Variants in SLC9C1 observed in about 807,000 individuals in gnomAD.
SLC9C1 encodes the protein solute carrier family 9 member C1.
Under a neutral mutation model 140.9 loss-of-function variants are expected in SLC9C1, and 97 were observed. The observed-to-expected ratio is 0.69, with a 90% confidence interval of 0.58 to 0.82. SLC9C1 has a LOEUF of 0.82. Ranked by LOEUF, SLC9C1 falls within the 40% of genes least tolerant of loss-of-function variation. SLC9C1 has a pLI of 0.00. For synonymous variants in SLC9C1, 440 were observed against 442.6 expected (o/e 0.99, Z 0.07); for missense variants, 1,340 against 1,389.3 (o/e 0.96, Z 0.56).
intron 12 of SLC9C1, among the ~76,000 whole-genome samples, chr3:112,239,205 C>T (rs1033129821): frequency 7.2e-5 from 11 of 152,332 alleles, no homozygotes; most frequent in Admixed American, 3.9e-4. Context: ...TGATCTCAGA[C>T]TGCTATGCTA....
rs192735648 is a variant in SLC9C1 at position 112,286,817 on chromosome 3, T to C, written c.-26A>G. ...GTTTCAGAAAAATTTTTATGCAGATTTATGTTAGAAGCAATCTCCATATGA... is the reference window on the plus strand; with the variant it reads ...GTTTCAGAAAAATTTTTATGCAGATCTATGTTAGAAGCAATCTCCATATGA... On this transcript the variant is annotated 5_prime_UTR_variant, in exon 2 of 29. The change abolishes the stop of an existing upstream ORF in the 5' untranslated region. Coordinates refer to ENST00000305815, the MANE Select transcript of SLC9C1 (RefSeq NM_183061.3). The C allele has an allele frequency of 1.0e-5, 16 of 1,547,968 alleles. No homozygotes were observed. In the East Asian group the frequency reaches 2.3e-4, roughly 22 times the overall value.
At chr3:112,236,031 T>G (rs1453083271) in intron 12 of SLC9C1, among the ~76,000 whole-genome samples, 2 of 152,154 alleles carry the variant, frequency 1.3e-5, no homozygotes, top group South Asian at 4.1e-4. Flanking sequence ...TTGGAATAGT[T>G]TCAGAAGGAA....
chr3:112,182,180 G>A lies in SLC9C1; in HGVS notation c.2602C>T (p.His868Tyr), dbSNP rs769513912. 5.6e-6 allele frequency: 9 copies of A among 1,600,174 alleles called. No homozygotes were observed. The highest frequency in any genetic ancestry group is 2.3e-5 in the South Asian group (2 of 87,254). ...RPLTVEEVLY[H>Y]IPWLDKNKDY... is the part of the protein sequence containing the mutation. Reference sequence around the variant, plus strand: ...TTGTTTTTATCTAGCCACGGAATATGATATAGAACTTCTTCAACAGTAAGA... The same window carrying A: ...TTGTTTTTATCTAGCCACGGAATATAATATAGAACTTCTTCAACAGTAAGA... Residue 868 changes from histidine (H) to tyrosine (Y), a missense_variant, in exon 21 of 29, where the codon CAT becomes TAT. Physicochemically the swap from His to Tyr is moderately conservative, Grantham distance 83. Transcript: ENST00000305815.
In SLC9C1 at chr3:112,167,258, A is replaced by T; in HGVS notation, c.3327T>A (p.Val1109=). 1 of 1,610,134 alleles carries T rather than the reference A, an allele frequency of 6.2e-7. No homozygotes were observed. The highest frequency in any genetic ancestry group is 8.5e-7 in the Non-Finnish European group (1 of 1,178,398). The change falls in exon 26 of 29, where the codon GTT becomes GTA. Residue 1109 remains valine (V), a synonymous_variant. Transcript: ENST00000305815. The part of the protein sequence containing the change: ...KTFRRNIRKF[V]PKHKSYLTPG... Reference sequence around the variant, plus strand: ...GTGTAAGATAACTTTTATGTTTAGGAACAAACTTTCTAATATTCCTTCTGA... The same window carrying T: ...GTGTAAGATAACTTTTATGTTTAGGTACAAACTTTCTAATATTCCTTCTGA...
chr3:112,282,075 A>G (rs1200776519), intron 2 of SLC9C1, among the ~76,000 whole-genome samples: 2 of 152,206 alleles, frequency 1.3e-5, no homozygotes, highest in African/African-American at 4.8e-5. Context: ...CACAATTCTG[A>G]CCGGAAAAGT....
chr3:112,253,270 G>A (rs2079514466), intron 10 of SLC9C1, among the ~76,000 whole-genome samples: 1 of 152,128 alleles, frequency 6.6e-6, no homozygotes, highest in South Asian at 2.1e-4. Flanking sequence ...CGCCAAGTTG[G>A]GGAAGGCAAC....
intron 5 of SLC9C1, among the ~76,000 whole-genome samples, chr3:112,276,045 T>C (rs1462788800): frequency 6.6e-6 from 1 of 152,082 alleles, no homozygotes; most frequent in Admixed American, 6.6e-5. Context: ...CCCCTCAGTG[T>C]CCACCAGCTG....
At chr3:112,239,703 T>C in intron 12 of SLC9C1, 137 bp downstream of exon 12, 2 of 884,526 alleles carry the variant, frequency 2.3e-6, no homozygotes, top group Non-Finnish European at 3.3e-6. Flanking sequence ...CTTACTACTT[T>C]GTTAAATAGA....
intron 13 of SLC9C1, among the ~76,000 whole-genome samples, 172 bp downstream of exon 13, chr3:112,231,189 C>T (rs1413094434): frequency 2.3e-5 from 3 of 132,334 alleles, no homozygotes; most frequent in Non-Finnish European, 3.2e-5. Flanking sequence ...TTTCTTTCCT[C>T]TCTCTCTTTC....
At chr3:112,162,937 C>A (rs2075351307) in intron 26 of SLC9C1, among the ~76,000 whole-genome samples, 1 of 137,248 alleles carries the variant, frequency 7.3e-6, no homozygotes, top group African/African-American at 2.8e-5. Flanking sequence ...TGATTATTGC[C>A]ACAATTTCAG....
At chr3:112,189,511 C>G (rs1440902707) in intron 20 of SLC9C1, among the ~76,000 whole-genome samples, 1 of 152,080 alleles carries the variant, frequency 6.6e-6, no homozygotes, top group Non-Finnish European at 1.5e-5. Flanking sequence ...GCTTGTTTTT[C>G]TCAGGTTTGT....
intron 26 of SLC9C1, among the ~76,000 whole-genome samples, chr3:112,163,730 GA>G (rs1444124373): frequency 6.6e-6 from 1 of 152,058 alleles, no homozygotes; most frequent in African/African-American, 2.4e-5. Flanking sequence ...GTGTGGTGCT[GA>G]AAAAAATGTA....
At chr3:112,185,634 C>G (rs1192998944) in intron 20 of SLC9C1, 28 of 1,573,522 alleles carry the variant, frequency 1.8e-5, no homozygotes, top group South Asian at 2.3e-5. Context: ...GCTCCTGACC[C>G]GGAAAGCTCC....
chr3:112,240,878 G>A (rs2079120596), intron 11 of SLC9C1, among the ~76,000 whole-genome samples: 1 of 151,620 alleles, frequency 6.6e-6, no homozygotes, highest in Admixed American at 6.6e-5. Flanking sequence ...CACACAGAAA[G>A]ACAAACATCA....
chr3:112,150,830 ATATATATATATTTTT>A (rs2074948349), intron 28 of SLC9C1, among the ~76,000 whole-genome samples: 1 of 38,894 alleles, frequency 2.6e-5, no homozygotes, highest in Admixed American at 3.9e-4. Flanking sequence ...ACATATATAT[ATATATATATATTTTT>A]TTTTTTTTTT....
chr3:112,193,913 C>T (rs1419946950), intron 20 of SLC9C1, among the ~76,000 whole-genome samples: 1 of 151,902 alleles, frequency 6.6e-6, no homozygotes, highest in Non-Finnish European at 1.5e-5. Context: ...GATCCTAGGC[C>T]CCAGTTTCAC....
chr3:112,246,716 T>C (rs9823421), intron 10 of SLC9C1, among the ~76,000 whole-genome samples: 89,983 of 151,994 alleles, frequency 0.59, 27,161 homozygotes, highest in East Asian at 0.79. Flanking sequence ...GACACTTGGT[T>C]TCCTCACCAG....
At chr3:112,203,202 C>T (rs2077953717) in intron 17 of SLC9C1, among the ~76,000 whole-genome samples, 1 of 151,954 alleles carries the variant, frequency 6.6e-6, no homozygotes, top group African/African-American at 2.4e-5. Flanking sequence ...CTTCATATTC[C>T]AAGGACCTGT....
Position 112,210,088 on chromosome 3 carries a change from G to C in SLC9C1, c.1791-1715C>G, listed in dbSNP as rs190179065. Among the ~76,000 whole-genome samples, 184 of 152,264 alleles carry C rather than the reference G, an allele frequency of 1.2e-3. 1 individual carries two copies. Among genetic ancestry groups the C allele is most frequent in the African/African-American group, 4.3e-3 (177 of 41,562 alleles). ...TCCTGATATCAAAATTGTATACCAA[G>C]TGTGGAAAACAATTTGGTGGTTACT... is the stretch of plus-strand genomic sequence containing the variant. On this transcript the variant is annotated intron_variant, in intron 15 of 28. Coordinates refer to ENST00000305815, the MANE Select transcript of SLC9C1 (RefSeq NM_183061.3).
Sources: allele counts gnomAD v4.1 joint callset (sites outside exome capture counted in the v4.1 genomes callset), GRCh38; gene constraint gnomAD v4.1.1; transcripts MANE v1.5; gene names NCBI Gene and HGNC (gene_info 2026-07-23, HGNC 2026-07-21).